ADGRB1: variants seen among roughly 807,000 people sequenced by gnomAD.
ADGRB1 encodes brain-specific angiogenesis inhibitor 1.
ADGRB1 carries 36 observed loss-of-function variants against 175.7 expected under a neutral mutation model. The ratio of observed to expected loss-of-function variants is 0.20; its 90% CI spans 0.16 to 0.27. The LOEUF is 0.27. Ranked by LOEUF, ADGRB1 falls within the 10% of genes least tolerant of loss-of-function variation. The pLI, the probability that ADGRB1 is intolerant of heterozygous loss-of-function variation, is 1.00. For missense variants in ADGRB1, 1,731 were observed against 2,255.3 expected (o/e 0.77, Z 4.71); for synonymous variants, 1,054 against 979.4 (o/e 1.08, Z -1.42).
intron 1 of ADGRB1, among the ~76,000 whole-genome samples, chr8:142,462,875 C>G (rs539291803): frequency 6.6e-6 from 1 of 152,164 alleles, no homozygotes; most frequent in Non-Finnish European, 1.5e-5. Flanking sequence ...AGGTCCACAG[C>G]GAGGTGGATG....
chr8:142,470,019 G>GCAGCCCAGGC lies in ADGRB1; in HGVS notation c.784+5044_784+5053dup, dbSNP rs1309359825. Among the ~76,000 whole-genome samples, 7 of 152,350 alleles carry GCAGCCCAGGC rather than the reference G, an allele frequency of 4.6e-5. No homozygotes were observed. In the East Asian group the frequency reaches 1.3e-3, roughly 29 times the overall value. On this transcript the variant is annotated intron_variant, in intron 2 of 30. Transcript: ENST00000517894. ...CACAGCCAAGTGCAGGAGCAAGCAG[G>GCAGCCCAGGC]CAGCCCAGGCCAGCCCGTGGCCCAT...
rs1842036461 is a variant in ADGRB1 at position 142,492,674 on chromosome 8, T to C, written c.2675+1859T>C. The stretch of plus-strand genomic sequence containing the variant: ...TATGTTTCCTGCCCTGGGTCTGGGG[T>C]TGGCAGCTGGGCTGGGGAAAGCTGG... On this transcript the variant is annotated intron_variant, in intron 17 of 30. Coordinates refer to ENST00000517894, the MANE Select transcript of ADGRB1 (RefSeq NM_001702.3). The surrounding 1 kb of genome is among the most constrained non-coding windows in gnomAD (Gnocchi z 4.4). 6.6e-6 allele frequency among the ~76,000 whole-genome samples: 1 copy of C among 152,088 alleles called. No homozygotes were observed. Among genetic ancestry groups the C allele is most frequent in the Non-Finnish European group, 1.5e-5 (1 of 67,986 alleles).
At chr8:142,509,923 G>A (rs756092379) in intron 17 of ADGRB1, among the ~76,000 whole-genome samples, 2 of 152,164 alleles carry the variant, frequency 1.3e-5, no homozygotes, top group Non-Finnish European at 2.9e-5. Context: ...GGGCCTCCTG[G>A]GCAGTTTCTG....
chr8:142,503,581 G>A (rs954549420), intron 17 of ADGRB1, among the ~76,000 whole-genome samples: 1 of 151,776 alleles, frequency 6.6e-6, no homozygotes, highest in Non-Finnish European at 1.5e-5. Context: ...GAGGCAAGAC[G>A]GCTCGGGCAG....
intron 2 of ADGRB1, among the ~76,000 whole-genome samples, chr8:142,466,002 G>C (rs1840256630): frequency 6.6e-6 from 1 of 152,216 alleles, no homozygotes; most frequent in Non-Finnish European, 1.5e-5. Flanking sequence ...GTGGGCCTCA[G>C]TGCAGGAGAT....
In ADGRB1 at chr8:142,537,703, T is replaced by A. The variant is rs945579930; in HGVS notation, c.3666+621T>A. ...GTTCTGCACCCCCCGCCCCTGCCTG[T>A]GCCTGCGCCTGTCCTCTTTACAGCA... is the stretch of plus-strand genomic sequence containing the variant. On this transcript the variant is annotated intron_variant, in intron 26 of 30. Transcript: ENST00000517894. This position sits in a 1 kb window ranked among gnomAD's most constrained non-coding sequence, Gnocchi z 4.6. 1.3e-5 allele frequency among the ~76,000 whole-genome samples: 2 copies of A among 152,134 alleles called. No individual in the cohort carries two copies. Among genetic ancestry groups the A allele is most frequent in the African/African-American group, 4.8e-5 (2 of 41,426 alleles).
At chr8:142,541,907 C>T (rs1235801175) in intron 27 of ADGRB1, 34 bp from the exon 28 acceptor site, 1 of 1,514,112 alleles carries the variant, frequency 6.6e-7, no homozygotes, top group South Asian at 1.3e-5. Flanking sequence ...CACCCCCACA[C>T]CTGTCCCCGC....
chr8:142,487,210 C>G (rs1335461228), intron 13 of ADGRB1, among the ~76,000 whole-genome samples: 1 of 152,180 alleles, frequency 6.6e-6, no homozygotes, highest in African/African-American at 2.4e-5. Context: ...CCCTCCACCG[C>G]CCCTCGATGA....
chr8:142,505,797 C>T (rs936529302), intron 17 of ADGRB1, among the ~76,000 whole-genome samples: 10 of 152,100 alleles, frequency 6.6e-5, no homozygotes, highest in African/African-American at 2.4e-4. Context: ...CAAGGGGCGG[C>T]GGCCACAGTA....
At chr8:142,484,903 A>G in intron 13 of ADGRB1, 139 bp downstream of exon 13, 1 of 670,636 alleles carries the variant, frequency 1.5e-6, no homozygotes, top group Non-Finnish European at 2.5e-6. Flanking sequence ...GATTTCTCAG[A>G]TGGGTCCTGT....
chr8:142,520,807 C>T lies in ADGRB1; in HGVS notation c.2922-16C>T, dbSNP rs775338996. 6.2e-7 allele frequency: 1 copy of T among 1,610,156 alleles called. No individual in the cohort carries two copies. Among genetic ancestry groups the T allele is most frequent in the Non-Finnish European group, 8.5e-7 (1 of 1,176,810 alleles). The stretch of plus-strand genomic sequence containing the variant: ...TTCTGTTGGGTGCTGACCTTGGGCC[C>T]CTGCACTCTCCACAGGTACATTCGC... On this transcript the variant is annotated splice_polypyrimidine_tract_variant and intron_variant, in intron 19 of 30. Transcript: ENST00000517894.
chr8:142,500,352 C>T lies in ADGRB1; in HGVS notation c.2675+9537C>T, dbSNP rs867779810. On this transcript the variant is annotated intron_variant, in intron 17 of 30. Coordinates refer to ENST00000517894, the MANE Select transcript of ADGRB1 (RefSeq NM_001702.3). ...CCCGCCCCCCGCGCCGCTCCTCCCCCGCCCCCCGCGCCTTTCCTCCCCTGC... is the reference window on the plus strand; with the variant it reads ...CCCGCCCCCCGCGCCGCTCCTCCCCTGCCCCCCGCGCCTTTCCTCCCCTGC... Among the ~76,000 whole-genome samples the T allele has an allele frequency of 6.6e-4, 37 of 56,318 alleles. 2 individuals are homozygous for T. The highest frequency in any genetic ancestry group is 2.6e-3 in the South Asian group (3 of 1,176). The allele number at this position is 56,318 out of a possible 152,430, so 36.9% of individuals were successfully genotyped here.
intron 3 of ADGRB1, 62 bp downstream of exon 3, chr8:142,475,697 A>T: frequency 6.3e-6 from 3 of 472,676 alleles, no homozygotes; most frequent in African/African-American, 3.8e-5. Context: ...GTGAGGGAGG[A>T]GAGGGGGGTG....
intron 13 of ADGRB1, among the ~76,000 whole-genome samples, chr8:142,485,163 C>T (rs1159594812): frequency 2.6e-5 from 4 of 152,208 alleles, no homozygotes; most frequent in East Asian, 1.9e-4. Context: ...CACCCAGCTC[C>T]GTGGTGTCAG....
At chr8:142,452,885 G>A (rs986808174) in intron 1 of ADGRB1, among the ~76,000 whole-genome samples, 4 of 149,460 alleles carry the variant, frequency 2.7e-5, no homozygotes, top group African/African-American at 9.7e-5. Flanking sequence ...GCGGAAGGCG[G>A]AGGGCCGGCG....
chr8:142,534,886 A>G (rs965026819), intron 25 of ADGRB1, among the ~76,000 whole-genome samples: 3 of 152,222 alleles, frequency 2.0e-5, no homozygotes, highest in Admixed American at 1.3e-4. Flanking sequence ...CTTCTAAAGC[A>G]GGTGCCACCT....
intron 17 of ADGRB1, among the ~76,000 whole-genome samples, chr8:142,491,504 T>C (rs753264588): frequency 3.9e-5 from 6 of 152,158 alleles, no homozygotes; most frequent in Admixed American, 6.5e-5. Context: ...AGGAAGAGTC[T>C]GTGTAAAGGC....
intron 18 of ADGRB1, among the ~76,000 whole-genome samples, chr8:142,512,404 C>T (rs1196058195): frequency 6.6e-6 from 1 of 152,214 alleles, no homozygotes; most frequent in Non-Finnish European, 1.5e-5. Flanking sequence ...GGCAGCCTTT[C>T]TGGGCCCCTT....
chr8:142,464,304 G>A lies in ADGRB1; in HGVS notation c.106G>A (p.Ala36Thr). 2.9e-6 allele frequency: 4 copies of A among 1,402,630 alleles called. No individual in the cohort carries two copies. Among genetic ancestry groups the A allele is most frequent in the Non-Finnish European group, 3.7e-6 (4 of 1,086,742 alleles). The allele number at this position is 1,402,630 out of a possible 1,614,324, so 86.9% of individuals were successfully genotyped here. A position where few individuals can be genotyped will look rare whatever the true frequency, so the allele number is the denominator to read the frequency against. The part of the protein sequence containing the change: ...RRARAAAGAD[A>T]GPGPEPCATL... Reference sequence around the variant, plus strand: ...CGCGCGGGCGGCCGCCGGAGCAGACGCGGGGCCCGGGCCCGAGCCGTGCGC... The same window carrying A: ...CGCGCGGGCGGCCGCCGGAGCAGACACGGGGCCCGGGCCCGAGCCGTGCGC... Residue 36 changes from alanine (A) to threonine (T), a missense_variant, in exon 2 of 31, where the codon GCG becomes ACG. Physicochemically the swap from Ala to Thr is moderately conservative, Grantham distance 58. Transcript: ENST00000517894.
Sources: allele counts gnomAD v4.1 joint callset (sites outside exome capture counted in the v4.1 genomes callset), GRCh38; gene constraint gnomAD v4.1.1; non-coding constraint Gnocchi (gnomAD v3.1); transcripts MANE v1.5; gene names NCBI Gene and HGNC (gene_info 2026-07-23, HGNC 2026-07-21).